The following PDE1C variants were observed in gnomAD, a reference collection of about 807,000 sequenced individuals.
PDE1C encodes phosphodiesterase 1C.
In PDE1C, 62 loss-of-function variants were observed where a neutral mutation model predicts 93.1. The observed-to-expected ratio is 0.67, with a 90% CI of 0.54 to 0.82. The LOEUF is 0.82. Ranked by LOEUF, PDE1C falls within the 40% of genes least tolerant of loss-of-function variation. The pLI is 0.00. For synonymous variants in PDE1C, 325 were observed against 310.1 expected (o/e 1.05, Z -0.50); for missense variants, 742 against 884.6 (o/e 0.84, Z 2.04).
chr7:31,723,882 T>C, the PDE1C span, among the ~76,000 whole-genome samples: 3 of 152,198 alleles, frequency 2.0e-5, no homozygotes, highest in Non-Finnish European at 4.4e-5. Flanking sequence ...CAAATCCACA[T>C]ATGAAGCAAG....
At chr7:32,350,594 T>TTTTTTTTTG (rs1783952000) in intron 1 of PDE1C, among the ~76,000 whole-genome samples, 1 of 20,424 alleles carries the variant, frequency 4.9e-5, no homozygotes, top group African/African-American at 1.0e-4. Context: ...ATATATATTT[T>TTTTTTTTTG]TTTTTTTTTT....
intron 8 of PDE1C, among the ~76,000 whole-genome samples, chr7:31,849,295 C>A (rs1452314832): frequency 6.6e-6 from 1 of 152,180 alleles, no homozygotes; most frequent in African/African-American, 2.4e-5. Context: ...CTTCCTTGGG[C>A]AGGTGATATT....
intron 1 of PDE1C, among the ~76,000 whole-genome samples, chr7:32,395,544 G>C (rs1784826832): frequency 6.6e-6 from 1 of 152,072 alleles, no homozygotes; most frequent in Admixed American, 6.6e-5. Context: ...AGTGAGGATG[G>C]GCTTAGACTG....
intron 1 of PDE1C, among the ~76,000 whole-genome samples, chr7:32,341,364 A>G (rs962012864): frequency 2.0e-5 from 3 of 148,580 alleles, no homozygotes; most frequent in African/African-American, 7.5e-5. Context: ...TTTAGTAGAG[A>G]CGGGGTTTCA....
At chr7:32,330,455 G>A (rs1783491732) in intron 1 of PDE1C, among the ~76,000 whole-genome samples, 1 of 152,316 alleles carries the variant, frequency 6.6e-6, no homozygotes, top group East Asian at 1.9e-4. Context: ...GGAGACTGGG[G>A]AAAACATCAA....
the PDE1C span, chr7:31,642,974 G>A: frequency 2.5e-6 from 4 of 1,614,026 alleles, no homozygotes; most frequent in Non-Finnish European, 3.4e-6. Context: ...GAATGCCCAA[G>A]GAAAGACAGC....
At chr7:31,914,435 T>C (rs1470761542) in intron 2 of PDE1C, among the ~76,000 whole-genome samples, 1 of 152,196 alleles carries the variant, frequency 6.6e-6, no homozygotes, top group Non-Finnish European at 1.5e-5. Context: ...TATACCTTGA[T>C]TTTTCTCTTT....
chr7:31,652,590 A>C, the PDE1C span: 3 of 1,612,800 alleles, frequency 1.9e-6, no homozygotes, highest in Non-Finnish European at 2.5e-6. Context: ...GATAGAAGAA[A>C]GCAATGGGCA....
At chr7:31,665,958 A>G in the PDE1C span, among the ~76,000 whole-genome samples, 1 of 152,162 alleles carries the variant, frequency 6.6e-6, no homozygotes, top group African/African-American at 2.4e-5. Context: ...CACCTGCACT[A>G]TTGTTTCTGG....
intron 1 of PDE1C, among the ~76,000 whole-genome samples, chr7:32,389,238 T>C (rs762508995): frequency 3.4e-5 from 4 of 116,854 alleles, no homozygotes; most frequent in South Asian, 5.7e-4. Context: ...TTGTTTGTTA[T>C]GGAGTCTCAC....
intron 1 of PDE1C, among the ~76,000 whole-genome samples, chr7:32,365,624 G>T (rs754015700): frequency 1.3e-5 from 2 of 152,146 alleles, no homozygotes; most frequent in African/African-American, 4.8e-5. Flanking sequence ...GGCGGCTCCT[G>T]TGAGGCAAGC....
intron 1 of PDE1C, among the ~76,000 whole-genome samples, chr7:32,374,270 A>G (rs1288363258): frequency 2.1e-5 from 3 of 145,306 alleles, no homozygotes; most frequent in East Asian, 2.0e-4. Context: ...AAAGAAAGAA[A>G]GAAAGAAAGA....
intron 1 of PDE1C, among the ~76,000 whole-genome samples, chr7:32,402,302 A>C (rs1784961236): frequency 6.6e-6 from 1 of 152,124 alleles, no homozygotes; most frequent in South Asian, 2.1e-4. Flanking sequence ...GAGACTGAGA[A>C]GATCCATAAG....
At chr7:31,942,617 A>G (rs1222990842) in intron 2 of PDE1C, among the ~76,000 whole-genome samples, 2 of 152,226 alleles carry the variant, frequency 1.3e-5, no homozygotes, top group Non-Finnish European at 2.9e-5. Flanking sequence ...AATCTAAGAC[A>G]GTAACTGCAG....
At chr7:31,644,080 T>C in the PDE1C span, 1 of 805,438 alleles carries the variant, frequency 1.2e-6, no homozygotes, top group African/African-American at 1.7e-5. Flanking sequence ...AAATCATGAA[T>C]AACATTTGTA....
chr7:31,950,030 C>T (rs1807150398), intron 2 of PDE1C, among the ~76,000 whole-genome samples: 1 of 152,186 alleles, frequency 6.6e-6, no homozygotes, highest in South Asian at 2.1e-4. Flanking sequence ...AGAAGAAGTA[C>T]ATATCCTTCT....
intron 1 of PDE1C, among the ~76,000 whole-genome samples, chr7:32,396,670 T>C (rs893523774): frequency 6.6e-6 from 1 of 152,144 alleles, no homozygotes; most frequent in Non-Finnish European, 1.5e-5. Context: ...TACAGACAGA[T>C]ACATGGGTTT....
At chr7:32,118,018 A>C (rs571267712) in intron 3 of PDE1C, among the ~76,000 whole-genome samples, 13 of 152,344 alleles carry the variant, frequency 8.5e-5, no homozygotes, top group African/African-American at 2.9e-4. Context: ...AGAGGAGGAC[A>C]AGCTGGACAC....
intron 2 of PDE1C, among the ~76,000 whole-genome samples, chr7:32,015,376 G>T (rs539959166): frequency 6.6e-6 from 1 of 151,982 alleles, no homozygotes; most frequent in East Asian, 1.9e-4. Flanking sequence ...ACCCCAGGTG[G>T]CCTCACTACT....
Sources: gnomAD v4.1 joint callset for allele counts (sites outside exome capture counted in the v4.1 genomes callset) on GRCh38, gnomAD v4.1.1 for gene constraint, MANE v1.5 for transcripts, NCBI Gene and HGNC (gene_info 2026-07-23, HGNC 2026-07-21) for gene names.